The following TBC1D22A variants were observed in gnomAD, a reference collection of about 807,000 sequenced individuals.
TBC1D22A encodes the protein TBC1 domain family member 22A.
In TBC1D22A, 38 loss-of-function variants were observed where a neutral mutation model predicts 60.2. The ratio of observed to expected loss-of-function variants is 0.63; its 90% CI spans 0.49 to 0.83. The LOEUF (loss-of-function observed/expected upper bound fraction) is 0.83. Among genes scored for constraint, TBC1D22A ranks in the 40% least tolerant of loss-of-function variants. TBC1D22A has a pLI of 0.00. For missense variants in TBC1D22A, 628 were observed against 701.0 expected (o/e 0.90, Z 1.18); for synonymous variants, 302 against 281.7 (o/e 1.07, Z -0.72).
chr22:46,781,096 C>T (rs576453535), intron 1 of TBC1D22A, among the ~76,000 whole-genome samples: 8 of 151,464 alleles, frequency 5.3e-5, no homozygotes, highest in East Asian at 3.9e-4. Context: ...GTTCTTATGC[C>T]GTGACCCCTC....
intron 8 of TBC1D22A, among the ~76,000 whole-genome samples, chr22:46,913,041 C>T (rs1021541750): frequency 2.6e-5 from 4 of 152,154 alleles, no homozygotes; most frequent in Non-Finnish European, 5.9e-5. Flanking sequence ...ACTGGTTGAA[C>T]AGTGTTTTAG....
At chr22:47,136,298 T>G (rs1015188994) in intron 12 of TBC1D22A, among the ~76,000 whole-genome samples, 1 of 152,156 alleles carries the variant, frequency 6.6e-6, no homozygotes, top group African/African-American at 2.4e-5. Context: ...TTTGGTGGAC[T>G]TGGCTACTTG....
intron 12 of TBC1D22A, among the ~76,000 whole-genome samples, chr22:47,144,443 G>C (rs1349013000): frequency 6.6e-6 from 1 of 152,208 alleles, no homozygotes; most frequent in Admixed American, 6.5e-5. Flanking sequence ...GCCCCACTTT[G>C]GGGGGCCCTG....
chr22:47,170,832 GTGTAACCCTC>G (rs2068413964), intron 12 of TBC1D22A, among the ~76,000 whole-genome samples: 1 of 128,686 alleles, frequency 7.8e-6, no homozygotes, highest in Non-Finnish European at 1.7e-5. Context: ...CAGTCCTGGT[GTGTAACCCTC>G]CTGATGCAGG....
At chr22:47,163,221 G>T (rs530275160) in intron 12 of TBC1D22A, among the ~76,000 whole-genome samples, 3 of 152,132 alleles carry the variant, frequency 2.0e-5, no homozygotes, top group Admixed American at 6.5e-5. Flanking sequence ...TCGAAGGCTT[G>T]GGAGGCCCAC....
At chr22:47,068,253 C>T (rs1411241165) in intron 11 of TBC1D22A, among the ~76,000 whole-genome samples, 2 of 152,236 alleles carry the variant, frequency 1.3e-5, no homozygotes, top group African/African-American at 4.8e-5. Flanking sequence ...AGCCGTTGCC[C>T]CCAGGGCTCT....
At chr22:46,805,040 C>T (rs2085069047) in intron 4 of TBC1D22A, among the ~76,000 whole-genome samples, 2 of 152,162 alleles carry the variant, frequency 1.3e-5, no homozygotes, top group African/African-American at 4.8e-5. Context: ...TTGCTCCTCG[C>T]CCTGTACAAC....
intron 4 of TBC1D22A, among the ~76,000 whole-genome samples, chr22:46,819,699 T>G (rs1387727547): frequency 6.6e-6 from 1 of 152,218 alleles, no homozygotes; most frequent in East Asian, 1.9e-4. Flanking sequence ...TGAAGTTTTC[T>G]TTTTTTGTTG....
rs114263821 is a variant in TBC1D22A at position 47,078,839 on chromosome 22, G to A, written c.1330-32669G>A. ...TATCACATGGTAGGAATGCTCCCAC[G>A]GAGACTGGTTTTCTCCTCAGGAGCT... On this transcript the variant is annotated intron_variant, in intron 11 of 12. Transcript: ENST00000337137. 3.9e-3 allele frequency among the ~76,000 whole-genome samples: 588 copies of A among 152,212 alleles called. 10 individuals are homozygous for A. Among genetic ancestry groups the A allele is most frequent in the African/African-American group, 0.014 (563 of 41,532 alleles).
chr22:47,131,454 C>T (rs2066675380), intron 12 of TBC1D22A, among the ~76,000 whole-genome samples: 1 of 152,200 alleles, frequency 6.6e-6, no homozygotes, highest in Non-Finnish European at 1.5e-5. Context: ...CTTCTGTGGG[C>T]AGCAGAAGGA....
At chr22:47,115,265 T>C (rs2147737217) in intron 12 of TBC1D22A, among the ~76,000 whole-genome samples, 1 of 152,268 alleles carries the variant, frequency 6.6e-6, no homozygotes, top group Middle Eastern at 3.4e-3. Context: ...CTCAGGCACA[T>C]GCCCCATGCC....
intron 4 of TBC1D22A, among the ~76,000 whole-genome samples, chr22:46,801,732 C>T (rs150895476): frequency 5.3e-5 from 8 of 152,344 alleles, no homozygotes; most frequent in East Asian, 1.9e-4. Flanking sequence ...GGCTTTCGAA[C>T]GGTAGGACAG....
chr22:46,773,707 G>T (rs2083583846), intron 1 of TBC1D22A, among the ~76,000 whole-genome samples: 1 of 152,102 alleles, frequency 6.6e-6, no homozygotes, highest in Non-Finnish European at 1.5e-5. Context: ...CCTGACCTCA[G>T]GTGATCCGCC....
rs2062336112 is a variant in TBC1D22A, at chr22:47,028,415, G to T, written c.1202-8656G>T. 7.5e-6 allele frequency among the ~76,000 whole-genome samples: 1 copy of T among 134,138 alleles called. No homozygotes were observed. The highest frequency in any genetic ancestry group is 1.5e-5 in the Non-Finnish European group (1 of 64,790). The allele number at this position is 134,138 out of a possible 152,430, so 88.0% of individuals were successfully genotyped here. On this transcript the variant is annotated intron_variant, in intron 10 of 12. Transcript: ENST00000337137. The surrounding 1 kb of genome is among the most constrained non-coding windows in gnomAD (Gnocchi z 4.4). ...TCGGTCCCTGTCCCCCACGGCCCAGGTTCTGAGAGCGAGTGGTCGCATTCC... is the reference window on the plus strand; with the variant it reads ...TCGGTCCCTGTCCCCCACGGCCCAGTTTCTGAGAGCGAGTGGTCGCATTCC...
At chr22:47,114,006 G>A (rs1219721304) in intron 12 of TBC1D22A, among the ~76,000 whole-genome samples, 1 of 152,184 alleles carries the variant, frequency 6.6e-6, no homozygotes, top group Non-Finnish European at 1.5e-5. Flanking sequence ...GGAATTGATG[G>A]CAGCCTTGAC....
chr22:47,004,296 C>G (rs1205760500), intron 10 of TBC1D22A, among the ~76,000 whole-genome samples: 1 of 148,376 alleles, frequency 6.7e-6, no homozygotes, highest in African/African-American at 2.5e-5. Flanking sequence ...ACACAATCCT[C>G]ATACATACAC....
At chr22:47,125,260 C>T (rs1439543156) in intron 12 of TBC1D22A, among the ~76,000 whole-genome samples, 1 of 152,208 alleles carries the variant, frequency 6.6e-6, no homozygotes, top group African/African-American at 2.4e-5. Flanking sequence ...CCCGGAGAGC[C>T]CATGGGATTC....
intron 8 of TBC1D22A, among the ~76,000 whole-genome samples, chr22:46,952,147 G>T (rs2072942957): frequency 7.2e-6 from 1 of 138,992 alleles, no homozygotes; most frequent in Non-Finnish European, 1.6e-5. Context: ...CCTGTGGGTG[G>T]TTGACACTTT....
At chr22:47,026,838 A>G (rs1282089248) in intron 10 of TBC1D22A, among the ~76,000 whole-genome samples, 1 of 152,230 alleles carries the variant, frequency 6.6e-6, no homozygotes, top group Admixed American at 6.5e-5. Flanking sequence ...ATTCTACTCA[A>G]TTGCAATCAA....
Sources: allele counts gnomAD v4.1 joint callset (sites outside exome capture counted in the v4.1 genomes callset), GRCh38; gene constraint gnomAD v4.1.1; non-coding constraint Gnocchi (gnomAD v3.1); transcripts MANE v1.5; gene names NCBI Gene and HGNC (gene_info 2026-07-23, HGNC 2026-07-21).